The following METTL22 variants were observed in gnomAD, a reference collection of about 807,000 sequenced individuals.
The protein encoded by METTL22 is methyltransferase-like protein 22.
In METTL22, 51 loss-of-function variants were observed where a neutral mutation model predicts 48.4. The observed-to-expected ratio is 1.05, with a 90% CI of 0.84 to 1.33. METTL22 has a LOEUF of 1.33. Ranked by LOEUF, METTL22 falls within the 40% of genes most tolerant of loss-of-function variation. METTL22 has a pLI of 0.00. For synonymous variants in METTL22, 255 were observed against 214.1 expected (o/e 1.19, Z -1.67); for missense variants, 678 against 526.9 (o/e 1.29, Z -2.81).
At position 8,628,804 on chromosome 16, in the gene METTL22, A is replaced by G; in HGVS notation, c.208A>G (p.Arg70Gly). The G allele has an allele frequency of 1.2e-6, 2 of 1,614,190 alleles. No individual in the cohort carries two copies. The highest frequency in any genetic ancestry group is 1.1e-5 in the South Asian group (1 of 91,080). The stretch of plus-strand genomic sequence containing the variant: ...TTCAGGAGCCAAGGGTGGCAGTCAC[A>G]GAGATGTTCACACAAAGGAGCCTCC... ...TDSGAKGGSH[R>G]DVHTKEPPSA... is the part of the protein sequence containing the mutation. The change falls in exon 3 of 11, where the codon AGA becomes GGA. Residue 70 changes from arginine to glycine, a missense_variant. By Grantham distance (125) the Arg-to-Gly change is moderately radical. Coordinates refer to ENST00000381920, the MANE Select transcript of METTL22 (RefSeq NM_024109.4).
intron 2 of METTL22, 136 bp from the exon 3 acceptor site, chr16:8,628,594 C>A: frequency 8.2e-7 from 1 of 1,224,230 alleles, no homozygotes; most frequent in Non-Finnish European, 1.1e-6. Flanking sequence ...TGGGCCTTTT[C>A]TGCTGGCATT....
chr16:8,641,085 A>G (rs1567241673), intron 6 of METTL22, 46 bp from the exon 7 acceptor site: 1 of 1,567,708 alleles, frequency 6.4e-7, no homozygotes, highest in Non-Finnish European at 8.8e-7. Context: ...TTTTTTCCTG[A>G]TGATGTTTAG....
rs554667134 is a variant in METTL22 at position 8,644,540 on chromosome 16, G to T, written c.1011-17G>T. On this transcript the variant is annotated splice_polypyrimidine_tract_variant and intron_variant, in intron 9 of 10. Transcript: ENST00000381920. ...ATTGATGATGGCAGTTTGTGCGTCC[G>T]ACTGGCTGGTTTGCAGGCTCAACTT... 1 of 1,529,282 alleles carries T rather than the reference G, an allele frequency of 6.5e-7. No homozygotes were observed. Among genetic ancestry groups the T allele is most frequent in the South Asian group, 1.2e-5 (1 of 80,608 alleles). 94.7% of individuals were successfully genotyped at this position (1,529,282 alleles called of 1,614,324 possible).
chr16:8,629,095 G>A lies in METTL22; in HGVS notation c.499G>A (p.Asp167Asn), dbSNP rs368070440. 1.5e-5 allele frequency: 24 copies of A among 1,612,890 alleles called. 1 individual carries two copies. In the Middle Eastern group the frequency reaches 9.9e-4, roughly 66 times the overall value. ...LGEEAQGSPH[D>N]IIRIEHTMAT... Reference sequence around the variant, plus strand: ...AGAGGAAGCACAAGGCAGCCCGCACGATATCATCAGAATAGGTAAATAGAG... The same window carrying A: ...AGAGGAAGCACAAGGCAGCCCGCACAATATCATCAGAATAGGTAAATAGAG... Residue 167 changes from aspartate to asparagine, a missense_variant, in exon 3 of 11, where the codon GAT (aspartate) becomes AAT (asparagine). Coordinates refer to ENST00000381920, the MANE Select transcript of METTL22 (RefSeq NM_024109.4).
At chr16:8,642,311 C>G in intron 8 of METTL22, 104 bp downstream of exon 8, 1 of 1,253,232 alleles carries the variant, frequency 8.0e-7, no homozygotes, top group Non-Finnish European at 1.2e-6. Context: ...AAGTGACTTT[C>G]TGGTACATGC....
the METTL22 span, among the ~76,000 whole-genome samples, chr16:8,666,497 G>A: frequency 9.8e-3 from 1,486 of 152,314 alleles, 30 homozygotes; most frequent in African/African-American, 0.033. Flanking sequence ...TATGGTCATA[G>A]CTAATATTTG....
At chr16:8,660,453 A>C in the METTL22 span, among the ~76,000 whole-genome samples, 1 of 152,084 alleles carries the variant, frequency 6.6e-6, no homozygotes, top group African/African-American at 2.4e-5. Flanking sequence ...TGCTGGGATT[A>C]CAGGTGTGAC....
chr16:8,627,578 G>T (rs1679677352), intron 2 of METTL22, among the ~76,000 whole-genome samples: 1 of 152,084 alleles, frequency 6.6e-6, no homozygotes, highest in Non-Finnish European at 1.5e-5. Context: ...TATACCAGGG[G>T]TATACAAACT....
chr16:8,652,044 A>C (rs1279802983), downstream of METTL22, among the ~76,000 whole-genome samples: 2 of 152,158 alleles, frequency 1.3e-5, no homozygotes, highest in African/African-American at 4.8e-5. Context: ...AAAAAAGAAA[A>C]GTCATGCTTT....
At chr16:8,640,251 G>T (rs531135916) in intron 6 of METTL22, among the ~76,000 whole-genome samples, 1 of 151,986 alleles carries the variant, frequency 6.6e-6, no homozygotes, top group African/African-American at 2.4e-5. Flanking sequence ...GGAGCATGCT[G>T]GTGGAAGCCT....
intron 8 of METTL22, 49 bp from the exon 9 acceptor site, chr16:8,642,413 TG>T (rs772461856): frequency 6.4e-7 from 1 of 1,560,456 alleles, no homozygotes; most frequent in African/African-American, 1.4e-5. Flanking sequence ...AGTCGATTTC[TG>T]TAATATTTGC....
chr16:8,629,821 C>G (rs1048043539), intron 3 of METTL22, among the ~76,000 whole-genome samples: 6 of 152,098 alleles, frequency 3.9e-5, no homozygotes, highest in African/African-American at 1.2e-4. Flanking sequence ...GGGAGCTGGG[C>G]CAGGAAGTGA....
At chr16:8,662,806 C>A in the METTL22 span, among the ~76,000 whole-genome samples, 2 of 144,644 alleles carry the variant, frequency 1.4e-5, 1 homozygote, top group Non-Finnish European at 3.0e-5. Flanking sequence ...GCCTCAGAAT[C>A]CTGGTCTGTA....
chr16:8,637,159 C>T (rs911794589), intron 5 of METTL22, among the ~76,000 whole-genome samples: 16 of 152,210 alleles, frequency 1.1e-4, no homozygotes, highest in Non-Finnish European at 2.4e-4. Context: ...GTTTACACCT[C>T]ATTGCTTCCT....
chr16:8,636,536 A>C (rs1234552697), intron 5 of METTL22, among the ~76,000 whole-genome samples: 5 of 126,140 alleles, frequency 4.0e-5, no homozygotes, highest in Admixed American at 1.9e-4. Context: ...AAAAAAAAAA[A>C]AAACAAACTT....
chr16:8,631,436 G>C (rs1230106309), intron 3 of METTL22: 1 of 152,164 alleles, frequency 6.6e-6, no homozygotes, highest in Non-Finnish European at 1.5e-5. Flanking sequence ...TGGAGAATCG[G>C]GCAAGTCGCT....
At chr16:8,664,461 A>AT in the METTL22 span, among the ~76,000 whole-genome samples, 1,729 of 147,596 alleles carry the variant, frequency 0.012, 34 homozygotes, top group African/African-American at 0.039. Flanking sequence ...TTATTTATGT[A>AT]TTTTTTTTTT....
intron 3 of METTL22, 53 bp from the exon 4 acceptor site, chr16:8,634,986 C>G: frequency 6.2e-7 from 1 of 1,611,118 alleles, no homozygotes. Context: ...TTGTGGTTTT[C>G]TGTCCATCCC....
chr16:8,629,248 G>T, intron 3 of METTL22, 138 bp downstream of exon 3: 1 of 1,152,914 alleles, frequency 8.7e-7, no homozygotes, highest in Admixed American at 2.2e-5. Flanking sequence ...GGTGAGACTG[G>T]GGAAGCTCTC....
Sources: allele counts gnomAD v4.1 joint callset (sites outside exome capture counted in the v4.1 genomes callset), GRCh38; gene constraint gnomAD v4.1.1; transcripts MANE v1.5; gene names NCBI Gene and HGNC (gene_info 2026-07-23, HGNC 2026-07-21).